KCNAB1: variants seen among roughly 807,000 people sequenced by gnomAD.
The protein encoded by KCNAB1 is voltage-gated potassium channel subunit beta-1.
KCNAB1 carries 35 observed loss-of-function variants against 64.6 expected under a neutral mutation model. That is an observed-to-expected ratio of 0.54 (90% confidence interval 0.41 to 0.72). The LOEUF is 0.72. Ranked by LOEUF, KCNAB1 falls within the 30% of genes least tolerant of loss-of-function variation. The pLI is 0.00. For missense variants in KCNAB1, 401 were observed against 512.9 expected, an observed-to-expected ratio of 0.78 and a Z score of 2.11; for synonymous variants, 177 against 183.8, an observed-to-expected ratio of 0.96 and a Z score of 0.30.
intron 1 of KCNAB1, among the ~76,000 whole-genome samples, chr3:156,157,695 A>C (rs964159073): frequency 6.6e-6 from 1 of 152,194 alleles, no homozygotes; most frequent in Admixed American, 6.5e-5. Flanking sequence ...ATATTGACCC[A>C]CAGCTCAATT....
intron 1 of KCNAB1, among the ~76,000 whole-genome samples, chr3:156,329,579 G>T (rs997664026): frequency 2.6e-5 from 4 of 152,094 alleles, no homozygotes; most frequent in Non-Finnish European, 5.9e-5. Flanking sequence ...ATCCTAAGGG[G>T]GACACATGGA....
chr3:156,505,195 C>T (rs981477963), intron 8 of KCNAB1, among the ~76,000 whole-genome samples: 2 of 152,128 alleles, frequency 1.3e-5, no homozygotes, highest in Non-Finnish European at 2.9e-5. Flanking sequence ...GTTCCTGGAA[C>T]CTTTGTCAAA....
At chr3:156,312,860 A>T (rs959021178) in intron 1 of KCNAB1, among the ~76,000 whole-genome samples, 1 of 152,120 alleles carries the variant, frequency 6.6e-6, no homozygotes, top group Non-Finnish European at 1.5e-5. Flanking sequence ...GTTTGTGGAA[A>T]TTTCTCTCAA....
rs144476436 is a variant in KCNAB1 at position 156,389,340 on chromosome 3, C to A, written c.276-32276C>A. Among the ~76,000 whole-genome samples, 3 of 152,312 alleles carry A rather than the reference C, an allele frequency of 2.0e-5. No individual in the cohort carries two copies. In the East Asian group the frequency reaches 5.8e-4, roughly 29 times the overall value. On this transcript the variant is annotated intron_variant, in intron 1 of 13. Transcript: ENST00000490337. ...CCAGAAGCTCCTCGCCTTGCCATGA[C>A]CTTGGCTCCTTTTGCCTCCTTGGCT...
intron 1 of KCNAB1, among the ~76,000 whole-genome samples, chr3:156,329,355 G>T (rs953624973): frequency 1.3e-5 from 2 of 152,094 alleles, no homozygotes; most frequent in Non-Finnish European, 2.9e-5. Flanking sequence ...TGGGGCAGGG[G>T]TGGGGGAGCA....
Position 156,515,091 on chromosome 3 carries a change from C to A in KCNAB1, c.745-9C>A. 1 of 1,592,330 alleles carries A rather than the reference C, an allele frequency of 6.3e-7. No homozygotes were observed. Among genetic ancestry groups the A allele is most frequent in the Non-Finnish European group, 8.5e-7 (1 of 1,171,864 alleles). On this transcript the variant is annotated splice_polypyrimidine_tract_variant and intron_variant, in intron 9 of 13. Coordinates refer to ENST00000490337, the MANE Select transcript of KCNAB1 (RefSeq NM_172160.3). Reference sequence around the variant, plus strand: ...GTATAAATTTGGTTGTAATCTCATTCCTCCCTAGGAAGCCTATTCTGTAGC... The same window carrying A: ...GTATAAATTTGGTTGTAATCTCATTACTCCCTAGGAAGCCTATTCTGTAGC...
intron 1 of KCNAB1, among the ~76,000 whole-genome samples, chr3:156,346,025 C>A (rs2108075245): frequency 6.6e-6 from 1 of 152,030 alleles, no homozygotes; most frequent in South Asian, 2.1e-4. Flanking sequence ...TTAGCATTTA[C>A]CTGAAATCAC....
At chr3:156,328,408 T>C (rs1004840772) in intron 1 of KCNAB1, among the ~76,000 whole-genome samples, 2 of 152,102 alleles carry the variant, frequency 1.3e-5, no homozygotes, top group African/African-American at 4.8e-5. Flanking sequence ...CGGACACTGA[T>C]CTTATATTAA....
chr3:156,266,483 A>T (rs910181571), intron 1 of KCNAB1, among the ~76,000 whole-genome samples: 3 of 152,158 alleles, frequency 2.0e-5, no homozygotes, highest in Non-Finnish European at 4.4e-5. Context: ...CAGCTGTGTG[A>T]TAGATTGAGA....
intron 1 of KCNAB1, among the ~76,000 whole-genome samples, chr3:156,214,445 C>T (rs558438289): frequency 5.7e-4 from 86 of 152,130 alleles, no homozygotes; most frequent in African/African-American, 1.9e-3. Context: ...AAAACCCACA[C>T]GTTCGGTATT....
intron 11 of KCNAB1, among the ~76,000 whole-genome samples, chr3:156,516,736 C>T (rs1055541312): frequency 6.6e-6 from 1 of 152,130 alleles, no homozygotes; most frequent in African/African-American, 2.4e-5. Flanking sequence ...AGGATTCTTA[C>T]ATTATTTCCT....
chr3:156,300,693 C>T (rs1304671890), intron 1 of KCNAB1, among the ~76,000 whole-genome samples: 12 of 151,974 alleles, frequency 7.9e-5, no homozygotes, highest in Admixed American at 7.9e-4. Flanking sequence ...AAAATCCTAA[C>T]CTATTTATTA....
intron 1 of KCNAB1, among the ~76,000 whole-genome samples, chr3:156,252,155 G>A (rs1461537849): frequency 1.3e-5 from 2 of 152,232 alleles, no homozygotes; most frequent in Non-Finnish European, 2.9e-5. Context: ...GCATCACTGG[G>A]CCATACAGAC....
chr3:156,131,043 G>C (rs1713965651), intron 1 of KCNAB1, among the ~76,000 whole-genome samples: 1 of 152,212 alleles, frequency 6.6e-6, no homozygotes, highest in Admixed American at 6.5e-5. Context: ...GTTTAAGTCA[G>C]GCTTTGGCCA....
At chr3:156,479,815 G>A (rs1714657301) in intron 8 of KCNAB1, among the ~76,000 whole-genome samples, 1 of 152,014 alleles carries the variant, frequency 6.6e-6, no homozygotes, top group Non-Finnish European at 1.5e-5. Context: ...AAGCAGCCCA[G>A]ATGTCTCAAT....
chr3:156,324,364 T>TA (rs1722843475), intron 1 of KCNAB1, among the ~76,000 whole-genome samples: 1 of 152,208 alleles, frequency 6.6e-6, no homozygotes, highest in Non-Finnish European at 1.5e-5. Flanking sequence ...AATAGGTAAG[T>TA]AGAAAGTGGT....
intron 8 of KCNAB1, among the ~76,000 whole-genome samples, chr3:156,497,491 C>T (rs1270582230): frequency 6.6e-6 from 1 of 152,168 alleles, no homozygotes; most frequent in African/African-American, 2.4e-5. Context: ...AAAAGCCTGT[C>T]CCAAGAAGCT....
intron 1 of KCNAB1, among the ~76,000 whole-genome samples, chr3:156,341,186 A>G (rs1724085746): frequency 6.6e-6 from 1 of 152,240 alleles, no homozygotes; most frequent in South Asian, 2.1e-4. Flanking sequence ...ATGTATAGAT[A>G]TAGATATTAG....
chr3:156,466,302 G>A (rs1301902228), intron 7 of KCNAB1, among the ~76,000 whole-genome samples: 1 of 152,092 alleles, frequency 6.6e-6, no homozygotes, highest in Non-Finnish European at 1.5e-5. Context: ...GCGCATGTCA[G>A]TATTTTATCC....
Sources: gnomAD v4.1 joint callset for allele counts (sites outside exome capture counted in the v4.1 genomes callset) on GRCh38, gnomAD v4.1.1 for gene constraint, MANE v1.5 for transcripts, NCBI Gene and HGNC (gene_info 2026-07-23, HGNC 2026-07-21) for gene names.